The following TRPM6 variants were observed in gnomAD, a reference collection of about 807,000 sequenced individuals.
The protein encoded by TRPM6 is channel kinase 2.
TRPM6 carries 111 observed loss-of-function variants against 247.6 expected under a neutral mutation model. The ratio of observed to expected loss-of-function variants is 0.45; its 90% confidence interval spans 0.38 to 0.52. The LOEUF is 0.52. Among genes scored for constraint, TRPM6 ranks in the 20% least tolerant of loss-of-function variants. The pLI, the probability that TRPM6 is intolerant of heterozygous loss-of-function variation, is 0.00. For synonymous variants in TRPM6, 892 were observed against 853.8 expected (o/e 1.04, Z -0.78); for missense variants, 2,126 against 2,421.5 (o/e 0.88, Z 2.56).
Position 74,782,659 on chromosome 9 carries a change from C to G in TRPM6, c.3094+20G>C, listed in dbSNP as rs76230771. On this transcript the variant is annotated intron_variant, in intron 22 of 38. Coordinates refer to ENST00000360774, the MANE Select transcript of TRPM6 (RefSeq NM_017662.5). ...CTATGAAGGCACAATTTCTGCATGA[C>G]GGTAAAATCCCATACACACCATCTA... 6.8e-6 allele frequency: 11 copies of G among 1,613,160 alleles called. No individual in the cohort carries two copies. The highest frequency in any genetic ancestry group is 9.3e-6 in the Non-Finnish European group (11 of 1,179,156).
At position 74,742,631 on chromosome 9, in the gene TRPM6, A is replaced by C; in HGVS notation, c.5135-5T>G. ...TTAAATTATTCCTTTCAATGGCTGC[A>C]AACAAAAACAGATTTTCTATTTTAA... On this transcript the variant is annotated splice_polypyrimidine_tract_variant and splice_region_variant and intron_variant, in intron 32 of 38. Coordinates refer to ENST00000360774, the MANE Select transcript of TRPM6 (RefSeq NM_017662.5). 6.2e-7 allele frequency: 1 copy of C among 1,613,590 alleles called. No homozygotes were observed. Among genetic ancestry groups the C allele is most frequent in the Non-Finnish European group, 8.5e-7 (1 of 1,179,844 alleles).
chr9:74,788,538 G>A (rs1460544797), intron 20 of TRPM6, 76 bp downstream of exon 20: 3 of 1,566,102 alleles, frequency 1.9e-6, no homozygotes, highest in Non-Finnish European at 2.6e-6. Flanking sequence ...CATCACCAGA[G>A]CCAAGGAGTC....
At chr9:74,752,860 C>A (rs900744404) in intron 28 of TRPM6, among the ~76,000 whole-genome samples, 8 of 152,116 alleles carry the variant, frequency 5.3e-5, no homozygotes, top group African/African-American at 1.9e-4. Flanking sequence ...CACCTGTAAT[C>A]CCAACACTTT....
intron 25 of TRPM6, among the ~76,000 whole-genome samples, chr9:74,770,479 A>G (rs190937536): frequency 8.3e-4 from 127 of 152,300 alleles, no homozygotes; most frequent in Admixed American, 1.7e-3. Flanking sequence ...AATAAATCCA[A>G]CAGTAACTCA....
At position 74,820,104 on chromosome 9, in the gene TRPM6, C is replaced by T. The variant is rs1829086970; in HGVS notation, c.1134+200G>A. 5.0e-6 allele frequency: 3 copies of T among 605,912 alleles called. No individual in the cohort carries two copies. In the Admixed American group the frequency reaches 7.6e-5, roughly 15 times the overall value. The allele number at this position is 605,912 out of a possible 1,614,324, so 37.5% of individuals were successfully genotyped here. A position where few individuals can be genotyped will look rare whatever the true frequency, so the allele number is the denominator to read the frequency against. On this transcript the variant is annotated intron_variant, in intron 9 of 38. Coordinates refer to ENST00000360774, the MANE Select transcript of TRPM6 (RefSeq NM_017662.5). ...ATGGTGGTTTGCTGCACCTATCAAC[C>T]CATCACTTAGGTATTAAGATCTCCA... is the stretch of plus-strand genomic sequence containing the variant.
chr9:74,831,086 G>T (rs1222998517), intron 6 of TRPM6, among the ~76,000 whole-genome samples: 1 of 152,086 alleles, frequency 6.6e-6, no homozygotes, highest in Non-Finnish European at 1.5e-5. Flanking sequence ...AACAGAACAT[G>T]ACCTAAATGG....
At chr9:74,886,513 CTTT>C (rs559658032) in intron 1 of TRPM6, among the ~76,000 whole-genome samples, 2 of 145,828 alleles carry the variant, frequency 1.4e-5, no homozygotes, top group Non-Finnish European at 3.0e-5. Context: ...CTTTTTTTCT[CTTT>C]TTTTTTTTTC....
At chr9:74,840,828 C>CAAAAA (rs371038378) in intron 4 of TRPM6, among the ~76,000 whole-genome samples, 5 of 108,084 alleles carry the variant, frequency 4.6e-5, no homozygotes, top group East Asian at 2.3e-4. Context: ...GACTCTGTCT[C>CAAAAA]AAAAAAAAAA....
At chr9:74,812,197 A>C in intron 12 of TRPM6, 102 bp downstream of exon 12, 1 of 1,493,586 alleles carries the variant, frequency 6.7e-7, no homozygotes, top group African/African-American at 1.4e-5. Flanking sequence ...AGCTACTTCT[A>C]ATTTCCTCAG....
chr9:74,781,547 A>AAAAG (rs1252049836), intron 23 of TRPM6, among the ~76,000 whole-genome samples: 1 of 150,164 alleles, frequency 6.7e-6, no homozygotes, highest in African/African-American at 2.4e-5. Context: ...AAAAAAAAAA[A>AAAAG]AAAAAAGAAG....
intron 37 of TRPM6, among the ~76,000 whole-genome samples, chr9:74,731,858 A>G (rs1052792828): frequency 3.3e-5 from 5 of 152,142 alleles, no homozygotes; most frequent in African/African-American, 1.2e-4. Flanking sequence ...TAAGAAATGC[A>G]GATTATTTGG....
At chr9:74,791,684 C>CA (rs919195001) in intron 19 of TRPM6, among the ~76,000 whole-genome samples, 8 of 152,174 alleles carry the variant, frequency 5.3e-5, no homozygotes, top group East Asian at 3.9e-4. Context: ...CTACTGAAGG[C>CA]AAAAAAACCA....
Position 74,808,034 on chromosome 9 carries a change from C to T in TRPM6, c.1638G>A (p.Lys546=), listed in dbSNP as rs1780308908. The T allele has an allele frequency of 6.2e-7, 1 of 1,613,592 alleles. No homozygotes were observed. Among genetic ancestry groups the T allele is most frequent in the African/African-American group, 1.3e-5 (1 of 74,846 alleles). ...CTTGGGCACTTTTCAATTACTCTAC[C>T]TTGTATTTTCTGTAGAGGTTGTTGT... The part of the protein sequence containing the change: ...ALYNNLYRKY[K]HQRHSSGNRN... The change falls in exon 14 of 39, where the codon AAG becomes AAA. Residue 546 remains lysine, a splice_region_variant and synonymous_variant. Transcript: ENST00000360774.
At chr9:74,783,204 G>A (rs1180700977) in intron 21 of TRPM6, among the ~76,000 whole-genome samples, 1 of 151,976 alleles carries the variant, frequency 6.6e-6, no homozygotes, top group Non-Finnish European at 1.5e-5. Flanking sequence ...AAAAAAATAG[G>A]GTATTGTTGA....
intron 27 of TRPM6, 97 bp from the exon 28 acceptor site, chr9:74,755,570 T>C: frequency 1.4e-6 from 2 of 1,444,680 alleles, no homozygotes; most frequent in Non-Finnish European, 1.9e-6. Flanking sequence ...CAGTGTCTGT[T>C]AACACTGGCT....
intron 14 of TRPM6, among the ~76,000 whole-genome samples, chr9:74,806,213 G>A (rs1828520759): frequency 6.6e-6 from 1 of 151,650 alleles, no homozygotes; most frequent in Admixed American, 6.6e-5. Flanking sequence ...ATTTTTGTAT[G>A]TTTAAAATTT....
In TRPM6 at chr9:74,810,086, G is replaced by GAC. The variant is rs368668113; in HGVS notation, c.1497+727_1497+728dup. 3.0e-3 allele frequency among the ~76,000 whole-genome samples: 451 copies of GAC among 149,638 alleles called. 5 individuals are homozygous for GAC. Among genetic ancestry groups the GAC allele is most frequent in the Non-Finnish European group, 3.1e-3 (209 of 67,668 alleles). On this transcript the variant is annotated intron_variant, in intron 13 of 38. Coordinates refer to ENST00000360774, the MANE Select transcript of TRPM6 (RefSeq NM_017662.5). ...TCACATTCCTTCTAACAAGATATCA[G>GAC]ACTTTGGAAAAACAAGAGAATTTTA...
intron 7 of TRPM6, among the ~76,000 whole-genome samples, chr9:74,824,511 G>GAAAAAAAAA (rs59044061): frequency 6.4e-5 from 3 of 46,966 alleles, no homozygotes; most frequent in Non-Finnish European, 1.7e-4. Context: ...GGCTTTTTCT[G>GAAAAAAAAA]AAAAAAAAAA....
chr9:74,861,616 G>A (rs1456853303), intron 1 of TRPM6, among the ~76,000 whole-genome samples: 1 of 152,088 alleles, frequency 6.6e-6, no homozygotes, highest in Non-Finnish European at 1.5e-5. Flanking sequence ...CTATCAAAAT[G>A]GGGATAATAA....
Sources: gnomAD v4.1 joint callset for allele counts (sites outside exome capture counted in the v4.1 genomes callset) on GRCh38, gnomAD v4.1.1 for gene constraint, MANE v1.5 for transcripts, NCBI Gene and HGNC (gene_info 2026-07-23, HGNC 2026-07-21) for gene names.